Variants in EXOC4 observed in about 807,000 individuals in gnomAD.
The protein encoded by EXOC4 is SEC8-like 1.
In EXOC4, 71 loss-of-function variants were observed where a neutral mutation model predicts 107.2. The observed-to-expected ratio is 0.66, with a 90% CI of 0.55 to 0.81. The LOEUF (loss-of-function observed/expected upper bound fraction) is 0.81, where lower values mean the gene tolerates loss of function less well. Ranked by LOEUF, EXOC4 falls within the 30% of genes least tolerant of loss-of-function variation. The pLI is 0.00. For synonymous variants in EXOC4, 456 were observed against 441.2 expected, an observed-to-expected ratio of 1.03 and a Z score of -0.42; for missense variants, 1,108 against 1,189.6, an observed-to-expected ratio of 0.93 and a Z score of 1.01.
At chr7:134,049,094 A>G (rs1369592685) in intron 17 of EXOC4, among the ~76,000 whole-genome samples, 3 of 152,198 alleles carry the variant, frequency 2.0e-5, no homozygotes, top group Non-Finnish European at 4.4e-5. Context: ...TAGAAAAATA[A>G]TGACTGTACT....
At chr7:133,718,966 A>G (rs1369329116) in intron 10 of EXOC4, among the ~76,000 whole-genome samples, 1 of 152,130 alleles carries the variant, frequency 6.6e-6, no homozygotes, top group Non-Finnish European at 1.5e-5. Context: ...ATTTGGAGCC[A>G]TTCGTGATTT....
intron 10 of EXOC4, among the ~76,000 whole-genome samples, chr7:133,813,804 A>G (rs1797295381): frequency 6.6e-6 from 1 of 152,132 alleles, no homozygotes; most frequent in Non-Finnish European, 1.5e-5. Context: ...AAGGAAAGCT[A>G]CTTTTTTCAT....
chr7:133,672,815 A>C (rs2151059326), intron 10 of EXOC4, among the ~76,000 whole-genome samples: 1 of 152,360 alleles, frequency 6.6e-6, no homozygotes, highest in South Asian at 2.1e-4. Context: ...TTATAGAGCA[A>C]GTCACGTAAG....
At chr7:133,636,519 C>A (rs887015293) in intron 10 of EXOC4, among the ~76,000 whole-genome samples, 2 of 152,192 alleles carry the variant, frequency 1.3e-5, no homozygotes, top group African/African-American at 4.8e-5. Flanking sequence ...GGGTAATGAA[C>A]ACTTGGCATG....
intron 9 of EXOC4, among the ~76,000 whole-genome samples, chr7:133,506,281 A>G (rs575995358): frequency 8.5e-5 from 13 of 152,240 alleles, no homozygotes; most frequent in African/African-American, 2.9e-4. Context: ...TTGGATAATC[A>G]TTAGTGATAT....
intron 16 of EXOC4, among the ~76,000 whole-genome samples, chr7:134,006,269 G>A (rs1794640542): frequency 6.6e-6 from 1 of 151,856 alleles, no homozygotes; most frequent in Non-Finnish European, 1.5e-5. Context: ...CAGTCTTGCA[G>A]ACCACGTTAT....
intron 10 of EXOC4, among the ~76,000 whole-genome samples, chr7:133,785,762 T>C (rs1040523035): frequency 7.9e-5 from 12 of 152,004 alleles, no homozygotes; most frequent in Admixed American, 2.6e-4. Context: ...AAGCTCTGTC[T>C]CCCGGGTTCA....
intron 10 of EXOC4, among the ~76,000 whole-genome samples, chr7:133,636,953 G>C (rs906483540): frequency 6.6e-6 from 1 of 152,146 alleles, no homozygotes; most frequent in Admixed American, 6.5e-5. Flanking sequence ...CTAATGTATA[G>C]AGAATAATTT....
chr7:134,078,249 C>CT, the EXOC4 span, among the ~76,000 whole-genome samples: 3 of 151,834 alleles, frequency 2.0e-5, no homozygotes, highest in East Asian at 5.8e-4. Flanking sequence ...TTCAGTGTCT[C>CT]TGAGTACTCA....
intron 11 of EXOC4, among the ~76,000 whole-genome samples, chr7:133,851,832 C>A (rs1798244862): frequency 6.6e-6 from 1 of 152,186 alleles, no homozygotes; most frequent in Non-Finnish European, 1.5e-5. Context: ...AGGAGAGTGT[C>A]ACAAACTTCA....
At chr7:133,809,723 A>G (rs539417308) in intron 10 of EXOC4, among the ~76,000 whole-genome samples, 1 of 152,340 alleles carries the variant, frequency 6.6e-6, no homozygotes, top group Admixed American at 6.5e-5. Flanking sequence ...ATTATATGTA[A>G]TGATATACAG....
intron 9 of EXOC4, among the ~76,000 whole-genome samples, chr7:133,566,223 C>T (rs1452188134): frequency 6.6e-6 from 1 of 152,084 alleles, no homozygotes; most frequent in East Asian, 1.9e-4. Context: ...ATGAGAGAGC[C>T]CAGGGTGAAA....
At chr7:133,482,720 T>C (rs906678911) in intron 9 of EXOC4, among the ~76,000 whole-genome samples, 1 of 152,194 alleles carries the variant, frequency 6.6e-6, no homozygotes, top group Non-Finnish European at 1.5e-5. Context: ...GAGGTGGTTA[T>C]GAAAATTAGG....
chr7:133,277,295 A>T (rs1014902366), intron 2 of EXOC4, among the ~76,000 whole-genome samples: 1 of 152,220 alleles, frequency 6.6e-6, no homozygotes, highest in Non-Finnish European at 1.5e-5. Flanking sequence ...AGAGGGGTCA[A>T]TGAATGTATA....
At chr7:133,636,220 C>CT (rs1353810834) in intron 10 of EXOC4, among the ~76,000 whole-genome samples, 1 of 67,930 alleles carries the variant, frequency 1.5e-5, no homozygotes, top group Non-Finnish European at 2.9e-5. Context: ...CAAGATAATA[C>CT]TATACCTCAT....
At chr7:133,704,888 T>G (rs1211740678) in intron 10 of EXOC4, among the ~76,000 whole-genome samples, 1 of 152,208 alleles carries the variant, frequency 6.6e-6, no homozygotes, top group Non-Finnish European at 1.5e-5. Context: ...GATTTCAGAC[T>G]TTTGGATTAG....
intron 9 of EXOC4, among the ~76,000 whole-genome samples, chr7:133,571,910 A>G (rs1398903566): frequency 1.3e-5 from 2 of 152,298 alleles, no homozygotes; most frequent in East Asian, 3.9e-4. Context: ...GAGGACCCTC[A>G]TGGCCTAATC....
chr7:133,807,513 T>C (rs1370736234), intron 10 of EXOC4, among the ~76,000 whole-genome samples: 1 of 152,096 alleles, frequency 6.6e-6, no homozygotes, highest in Non-Finnish European at 1.5e-5. Flanking sequence ...ACGTGACACA[T>C]AAGTTTCCAG....
At chr7:133,591,391 G>A (rs1801538378) in intron 9 of EXOC4, among the ~76,000 whole-genome samples, 1 of 152,060 alleles carries the variant, frequency 6.6e-6, no homozygotes, top group South Asian at 2.1e-4. Flanking sequence ...ATGTTGCCCT[G>A]TTAGAGGCTC....
Sources: gnomAD v4.1 joint callset for allele counts (sites outside exome capture counted in the v4.1 genomes callset) on GRCh38, gnomAD v4.1.1 for gene constraint, MANE v1.5 for transcripts, NCBI Gene and HGNC (gene_info 2026-07-23, HGNC 2026-07-21) for gene names.